ARSG: variants seen among roughly 807,000 people sequenced by gnomAD.
ARSG encodes ASG.
ARSG carries 37 observed loss-of-function variants against 50.5 expected under a neutral mutation model. The ratio of observed to expected loss-of-function variants is 0.73; its 90% confidence interval spans 0.56 to 0.96. The LOEUF (loss-of-function observed/expected upper bound fraction) is 0.96. ARSG is among the 50% of genes least tolerant of loss of function. ARSG has a pLI of 0.00. For synonymous variants in ARSG, 225 were observed against 254.6 expected (o/e 0.88, Z 1.11); for missense variants, 629 against 675.3 (o/e 0.93, Z 0.76).
At chr17:68,279,467 T>C (rs1439769384) in intron 1 of ARSG, among the ~76,000 whole-genome samples, 1 of 152,138 alleles carries the variant, frequency 6.6e-6, no homozygotes, top group African/African-American at 2.4e-5. Context: ...CAGGAGTAAT[T>C]TCCTCAAAGT....
chr17:68,303,535 G>A (rs2076498616), intron 1 of ARSG, among the ~76,000 whole-genome samples: 4 of 152,156 alleles, frequency 2.6e-5, no homozygotes, highest in East Asian at 3.9e-4. Context: ...TGCAACCCCC[G>A]CCTCCCAGGT....
At chr17:68,270,197 G>A (rs2075290555) in intron 1 of ARSG, among the ~76,000 whole-genome samples, 1 of 152,116 alleles carries the variant, frequency 6.6e-6, no homozygotes, top group Non-Finnish European at 1.5e-5. Flanking sequence ...CCAAAAGTCA[G>A]GTGGGCTCTG....
chr17:68,274,026 C>T (rs1555750072), intron 1 of ARSG: 1 of 1,614,028 alleles, frequency 6.2e-7, no homozygotes, highest in African/African-American at 1.3e-5. Context: ...AACATCACTA[C>T]CAGACGGTGT....
intron 8 of ARSG, among the ~76,000 whole-genome samples, chr17:68,380,216 C>T (rs1267753161): frequency 1.3e-5 from 2 of 151,520 alleles, no homozygotes; most frequent in Non-Finnish European, 2.9e-5. Flanking sequence ...CTTCCTCCTT[C>T]CTTCCTTCCT....
intron 11 of ARSG, among the ~76,000 whole-genome samples, chr17:68,402,807 G>A (rs968296851): frequency 6.6e-6 from 1 of 152,208 alleles, no homozygotes; most frequent in East Asian, 1.9e-4. Flanking sequence ...TTACAGGCAT[G>A]AGCCACCTTG....
rs782672096 is a variant in ARSG, at chr17:68,278,283, T to C, written c.-552+18857T>C. ...TCCATCAGGCACTTCAGTATACACA[T>C]TGGCTTTGGAACAAAGCTTTAATTT... On this transcript the variant is annotated intron_variant, in intron 1 of 11. Transcript: ENST00000448504. The C allele has an allele frequency of 7.6e-5, 123 of 1,613,928 alleles. 1 individual carries two copies. In the South Asian group the frequency reaches 1.2e-3, roughly 16 times the overall value.
In ARSG at chr17:68,420,723, C is replaced by T. The variant is rs1302213871; in HGVS notation, c.*260C>T. The T allele has an allele frequency of 2.1e-6, 1 of 486,890 alleles. No homozygotes were observed. Among genetic ancestry groups the T allele is most frequent in the Non-Finnish European group, 3.6e-6 (1 of 275,046 alleles). The allele number at this position is 486,890 out of a possible 1,614,324, so 30.2% of individuals were successfully genotyped here. On this transcript the variant is annotated 3_prime_UTR_variant, in exon 12 of 12. Transcript: ENST00000621439. ...TTGGAGTCAGGCACAGGTGCCAGCT[C>T]CAGCTTTTGAACTTGGGCAATTGTT...
chr17:68,356,202 A>G (rs1332763850), intron 5 of ARSG, among the ~76,000 whole-genome samples: 1 of 152,164 alleles, frequency 6.6e-6, no homozygotes, highest in Non-Finnish European at 1.5e-5. Context: ...ATTCTGTCCT[A>G]TTGACAGACC....
intron 1 of ARSG, among the ~76,000 whole-genome samples, chr17:68,275,909 G>T (rs1269550216): frequency 6.6e-6 from 1 of 151,510 alleles, no homozygotes; most frequent in Non-Finnish European, 1.5e-5. Flanking sequence ...CTTGAACCTG[G>T]GAGGCGGAGG....
At chr17:68,382,011 C>T (rs536495335) in intron 8 of ARSG, among the ~76,000 whole-genome samples, 1 of 149,078 alleles carries the variant, frequency 6.7e-6, no homozygotes, top group African/African-American at 2.5e-5. Context: ...AGTGAAGTGG[C>T]TCAATTTTGG....
chr17:68,315,884 G>T (rs182181653), intron 2 of ARSG, among the ~76,000 whole-genome samples: 1 of 152,086 alleles, frequency 6.6e-6, no homozygotes, highest in Admixed American at 6.6e-5. Context: ...ACCTGCCTCG[G>T]CCTCCCAAAG....
At chr17:68,342,133 G>A (rs1458700680) in intron 2 of ARSG, among the ~76,000 whole-genome samples, 1 of 151,886 alleles carries the variant, frequency 6.6e-6, no homozygotes, top group African/African-American at 2.4e-5. Flanking sequence ...GTCAATTCTT[G>A]TTATTGATAA....
chr17:68,378,585 C>T lies in ARSG; in HGVS notation c.983-6479C>T, dbSNP rs117571577. ...CCGAAGAAGAAGGGCACGAGTCAGA[C>T]ACCCCTGCTGTCTCTGAGTCCACAG... On this transcript the variant is annotated intron_variant, in intron 8 of 11. Transcript: ENST00000621439. This position sits in a 1 kb window ranked among gnomAD's most constrained non-coding sequence, Gnocchi z 4.4. 1.7e-3 allele frequency among the ~76,000 whole-genome samples: 259 copies of T among 152,296 alleles called. 9 individuals carry two copies. The East Asian group carries it at 0.045, about 27-fold the overall frequency.
the ARSG span, among the ~76,000 whole-genome samples, chr17:68,443,988 G>T: frequency 6.6e-6 from 1 of 152,144 alleles, no homozygotes; most frequent in Non-Finnish European, 1.5e-5. Context: ...TAAATCCCGA[G>T]AATTCAGTAA....
rs374945306 is a variant in ARSG, at chr17:68,327,849, G to A, written c.219-15755G>A. Among the ~76,000 whole-genome samples the A allele has an allele frequency of 1.1e-4, 17 of 152,230 alleles. No homozygotes were observed. In the South Asian group the frequency reaches 2.1e-3, roughly 19 times the overall value. ...CTACAAAATGGCATGACCAATCAGC[G>A]TGCTACCATGGGTTAGAGAGAGTGC... On this transcript the variant is annotated intron_variant, in intron 2 of 11. Coordinates refer to ENST00000621439, the MANE Select transcript of ARSG (RefSeq NM_001267727.2).
At chr17:68,290,745 A>C (rs1319787312), upstream of ARSG, among the ~76,000 whole-genome samples, 1 of 152,150 alleles carries the variant, frequency 6.6e-6, no homozygotes, top group Non-Finnish European at 1.5e-5. Flanking sequence ...CTGAGCCTGG[A>C]GCCCCCGACT....
At chr17:68,430,016 C>A in the ARSG span, 1 of 1,613,956 alleles carries the variant, frequency 6.2e-7, no homozygotes, top group Non-Finnish European at 8.5e-7. Context: ...TACAGATGTT[C>A]CTCTGTCCGG....
chr17:68,354,842 C>T (rs528630215), intron 5 of ARSG, among the ~76,000 whole-genome samples: 11 of 152,086 alleles, frequency 7.2e-5, no homozygotes, highest in South Asian at 2.1e-4. Context: ...TCAGCCTGGG[C>T]GACAGAGTGA....
intron 4 of ARSG, among the ~76,000 whole-genome samples, chr17:68,351,357 A>T (rs1346192101): frequency 1.3e-5 from 2 of 152,184 alleles, no homozygotes; most frequent in Non-Finnish European, 2.9e-5. Flanking sequence ...AATTCTAATC[A>T]CAAGATGTTT....
Sources: allele counts gnomAD v4.1 joint callset (sites outside exome capture counted in the v4.1 genomes callset), GRCh38; gene constraint gnomAD v4.1.1; non-coding constraint Gnocchi (gnomAD v3.1); transcripts MANE v1.5; gene names NCBI Gene and HGNC (gene_info 2026-07-23, HGNC 2026-07-21).